Variants in NRXN3 observed in about 807,000 individuals in gnomAD.
NRXN3 encodes the protein neurexin 3.
NRXN3 carries 32 observed loss-of-function variants against 137.6 expected under a neutral mutation model. The ratio of observed to expected loss-of-function variants is 0.23; its 90% confidence interval spans 0.18 to 0.31. NRXN3 has a LOEUF of 0.31. NRXN3 is among the 10% of genes least tolerant of loss of function. NRXN3 has a pLI of 1.00. For missense variants in NRXN3, 1,574 were observed against 2,062.5 expected (o/e 0.76, Z 4.59); for synonymous variants, 798 against 784.5 (o/e 1.02, Z -0.29).
chr14:79,249,038 C>G (rs539281905), intron 15 of NRXN3: 4 of 152,128 alleles, frequency 2.6e-5, no homozygotes, highest in Non-Finnish European at 5.9e-5. Flanking sequence ...GTAGCAGGCA[C>G]TTCAGGTTGT....
chr14:79,795,320 C>T (rs2099157842), intron 19 of NRXN3, among the ~76,000 whole-genome samples: 1 of 152,076 alleles, frequency 6.6e-6, no homozygotes. Flanking sequence ...GTTGAGTGGG[C>T]CCATCTGGGT....
At chr14:78,778,786 TTCTTTCTTTCTTTC>T (rs1274611367) in intron 8 of NRXN3, among the ~76,000 whole-genome samples, 1 of 139,960 alleles carries the variant, frequency 7.1e-6, no homozygotes, top group South Asian at 2.2e-4. Context: ...CTTTCTTTCT[TTCTTTCTTTCTTTC>T]TTTCTTTCTT....
chr14:78,632,108 C>A (rs1284436199), intron 4 of NRXN3, among the ~76,000 whole-genome samples: 1 of 139,594 alleles, frequency 7.2e-6, no homozygotes, highest in Non-Finnish European at 1.5e-5. Context: ...AGCGAGACTC[C>A]GTCTCAAAAA....
intron 19 of NRXN3, among the ~76,000 whole-genome samples, chr14:79,803,454 T>C (rs1290277600): frequency 6.6e-6 from 1 of 152,170 alleles, no homozygotes; most frequent in Non-Finnish European, 1.5e-5. Flanking sequence ...CAGATGACTA[T>C]CTGCCAGCGT....
intron 19 of NRXN3, among the ~76,000 whole-genome samples, chr14:79,772,713 A>T (rs1399602143): frequency 6.6e-6 from 1 of 152,134 alleles, no homozygotes; most frequent in East Asian, 1.9e-4. Flanking sequence ...GGACATAGGC[A>T]TGGGCAAGGA....
chr14:79,480,314 G>C (rs1051059371), intron 16 of NRXN3, among the ~76,000 whole-genome samples: 1 of 152,164 alleles, frequency 6.6e-6, no homozygotes, highest in Admixed American at 6.6e-5. Flanking sequence ...CAGTACTGGA[G>C]CTGGTTTTTT....
intron 4 of NRXN3, among the ~76,000 whole-genome samples, chr14:78,613,470 A>G (rs916498092): frequency 2.6e-5 from 4 of 152,004 alleles, no homozygotes; most frequent in African/African-American, 9.7e-5. Flanking sequence ...CCCTTTATCT[A>G]GCTATTGGAA....
rs115864776 is a variant in NRXN3, at chr14:79,409,422, A to G, written c.3263-57799A>G. Among the ~76,000 whole-genome samples the G allele has an allele frequency of 8.2e-3, 1,240 of 150,882 alleles. 13 individuals carry two copies. The highest frequency in any genetic ancestry group is 0.028 in the African/African-American group (1,172 of 41,232). On this transcript the variant is annotated intron_variant, in intron 15 of 20. Transcript: ENST00000335750. ...ACATTATGTATATACATATATAGGT[A>G]TATGTATACATATATGCATATGTAG...
intron 16 of NRXN3, among the ~76,000 whole-genome samples, chr14:79,478,654 G>A (rs2096580816): frequency 6.6e-6 from 1 of 152,206 alleles, no homozygotes. Context: ...GAATGCAAGT[G>A]AGCATGCCGT....
chr14:79,133,834 C>T (rs1007270981), intron 15 of NRXN3, among the ~76,000 whole-genome samples: 2 of 150,442 alleles, frequency 1.3e-5, no homozygotes, highest in Admixed American at 6.7e-5. Flanking sequence ...GAGGCTGAGG[C>T]AGGAGAATGG....
chr14:79,660,493 G>A (rs890652314), intron 16 of NRXN3, among the ~76,000 whole-genome samples: 3 of 152,164 alleles, frequency 2.0e-5, no homozygotes, highest in African/African-American at 7.2e-5. Flanking sequence ...AATGGCAAAT[G>A]TGTGGCACCT....
chr14:79,130,226 G>A (rs1568376064), intron 15 of NRXN3, among the ~76,000 whole-genome samples: 1 of 151,374 alleles, frequency 6.6e-6, no homozygotes, highest in Non-Finnish European at 1.5e-5. Context: ...TCATTATGAT[G>A]TTAGCTCGTT....
intron 4 of NRXN3, among the ~76,000 whole-genome samples, chr14:78,580,319 C>T (rs894907791): frequency 1.1e-4 from 16 of 152,134 alleles, no homozygotes; most frequent in Non-Finnish European, 2.9e-5. Flanking sequence ...TCTCATTACA[C>T]ACCAGTTTTC....
At chr14:79,817,372 C>T (rs968746002) in intron 20 of NRXN3, among the ~76,000 whole-genome samples, 4 of 152,064 alleles carry the variant, frequency 2.6e-5, no homozygotes, top group African/African-American at 7.2e-5. Context: ...AGTAAACTTT[C>T]GATGGCAGCA....
chr14:78,320,331 CAG>C (rs2079176569), intron 4 of NRXN3, among the ~76,000 whole-genome samples: 1 of 152,156 alleles, frequency 6.6e-6, no homozygotes, highest in Non-Finnish European at 1.5e-5. Context: ...AGAGGAGAAA[CAG>C]GGACGGAAAT....
At chr14:79,074,456 C>T (rs1258161920) in intron 15 of NRXN3, 1 of 152,148 alleles carries the variant, frequency 6.6e-6, no homozygotes, top group Non-Finnish European at 1.5e-5. Context: ...CGGTAGTCAT[C>T]ATGAGTACTA....
chr14:79,141,052 A>G (rs2058741930), intron 15 of NRXN3, among the ~76,000 whole-genome samples: 1 of 152,216 alleles, frequency 6.6e-6, no homozygotes, highest in Non-Finnish European at 1.5e-5. Flanking sequence ...AAATTAGCAA[A>G]CTGATATAAG....
At chr14:79,474,593 C>T (rs2153628698) in intron 16 of NRXN3, among the ~76,000 whole-genome samples, 1 of 152,040 alleles carries the variant, frequency 6.6e-6, no homozygotes, top group Non-Finnish European at 1.5e-5. Context: ...GATAAGTGAC[C>T]CTATAGCCTC....
rs572234017 is a variant in NRXN3 at position 79,486,592 on chromosome 14, G to A, written c.3444+19190G>A. Among the ~76,000 whole-genome samples, 8 of 152,242 alleles carry A rather than the reference G, an allele frequency of 5.3e-5. No individual in the cohort carries two copies. The South Asian group carries it at 8.3e-4, about 16-fold the overall frequency. On this transcript the variant is annotated intron_variant, in intron 16 of 20. Coordinates refer to ENST00000335750, the MANE Select transcript of NRXN3 (RefSeq NM_001330195.2). ...GTTATGTACTGCAGAGCCTATAAGC[G>A]AATATTTAGTTCAGACACTCATTTT...
Sources: gnomAD v4.1 joint callset for allele counts (sites outside exome capture counted in the v4.1 genomes callset) on GRCh38, gnomAD v4.1.1 for gene constraint, MANE v1.5 for transcripts, NCBI Gene and HGNC (gene_info 2026-07-23, HGNC 2026-07-21) for gene names.